Variants in CPSF3 observed in about 807,000 individuals in gnomAD.
The protein encoded by CPSF3 is cleavage and polyadenylation specificity factor subunit 3.
A neutral mutation model predicts 84.1 loss-of-function variants in CPSF3; 57 were observed. The ratio of observed to expected loss-of-function variants is 0.68; its 90% CI spans 0.55 to 0.85. CPSF3 has a LOEUF of 0.85. Ranked by LOEUF, CPSF3 falls within the 40% of genes least tolerant of loss-of-function variation. The pLI is 0.00. For synonymous variants in CPSF3, 275 were observed against 278.1 expected (o/e 0.99, Z 0.11); for missense variants, 522 against 838.8 (o/e 0.62, Z 4.66).
At chr2:9,466,320 GCACACAGACGCA>G (rs1558466378) in intron 15 of CPSF3, among the ~76,000 whole-genome samples, 15 of 72,530 alleles carry the variant, frequency 2.1e-4, no homozygotes, top group Non-Finnish European at 4.0e-4. Flanking sequence ...ACTGACGCAC[GCACACAGACGCA>G]CGCACACACG....
chr2:9,467,451 C>T (rs868429227), intron 15 of CPSF3, among the ~76,000 whole-genome samples: 2 of 151,898 alleles, frequency 1.3e-5, no homozygotes, highest in Admixed American at 6.6e-5. Flanking sequence ...TTAATAAGAA[C>T]ATGAAATATT....
intron 7 of CPSF3, among the ~76,000 whole-genome samples, chr2:9,439,167 C>G (rs1680882430): frequency 6.6e-6 from 1 of 152,116 alleles, no homozygotes; most frequent in African/African-American, 2.4e-5. Flanking sequence ...ATCATTGATA[C>G]ATCAAATGGA....
intron 6 of CPSF3, among the ~76,000 whole-genome samples, chr2:9,435,691 A>G (rs1680753221): frequency 6.6e-6 from 1 of 151,796 alleles, no homozygotes; most frequent in Admixed American, 6.6e-5. Flanking sequence ...TGCTGGGATT[A>G]CAGGCATGAG....
Position 9,432,694 on chromosome 2 carries a change from C to A in CPSF3, c.519+6C>A. 1 of 1,496,096 alleles carries A rather than the reference C, an allele frequency of 6.7e-7. No individual in the cohort carries two copies. The highest frequency in any genetic ancestry group is 2.3e-5 in the East Asian group (1 of 43,450). The allele number at this position is 1,496,096 out of a possible 1,614,324, so 92.7% of individuals were successfully genotyped here. A position where few individuals can be genotyped will look rare whatever the true frequency, so the allele number is the denominator to read the frequency against. On this transcript the variant is annotated splice_donor_region_variant and intron_variant, in intron 5 of 17. Coordinates refer to ENST00000238112, the MANE Select transcript of CPSF3 (RefSeq NM_016207.4). Reference sequence around the variant, plus strand: ...TTGAGATCGCAGGCGTGAAGGTACCCTCTGGCTGTGGCGCTTTTCTCCCCA... The same window carrying A: ...TTGAGATCGCAGGCGTGAAGGTACCATCTGGCTGTGGCGCTTTTCTCCCCA...
At chr2:9,472,846 G>C in intron 17 of CPSF3, 70 bp from the exon 18 acceptor site, 1 of 1,045,682 alleles carries the variant, frequency 9.6e-7, no homozygotes, top group East Asian at 2.6e-5. Context: ...TTTTTAAAGA[G>C]TATTCATTTA....
At chr2:9,448,642 C>T (rs540129986) in intron 11 of CPSF3, among the ~76,000 whole-genome samples, 10 of 152,122 alleles carry the variant, frequency 6.6e-5, no homozygotes, top group Non-Finnish European at 8.8e-5. Context: ...CTGCAACCTC[C>T]GCCTCCTGGG....
chr2:9,471,089 C>T (rs60738947), intron 16 of CPSF3, among the ~76,000 whole-genome samples: 10,294 of 152,154 alleles, frequency 0.068, 1,190 homozygotes, highest in African/African-American at 0.23. Flanking sequence ...TGGTGCACAC[C>T]TGTAATCCCA....
intron 11 of CPSF3, among the ~76,000 whole-genome samples, chr2:9,449,387 A>C (rs116097332): frequency 6.6e-6 from 1 of 151,956 alleles, no homozygotes; most frequent in Non-Finnish European, 1.5e-5. Context: ...GATCGCGCCA[A>C]TGCACTCCAG....
intron 4 of CPSF3, among the ~76,000 whole-genome samples, chr2:9,432,112 C>A (rs1394564528): frequency 6.6e-6 from 1 of 152,144 alleles, no homozygotes; most frequent in African/African-American, 2.4e-5. Context: ...GTAGAAAAAT[C>A]TTTTCTCATC....
intron 8 of CPSF3, 190 bp from the exon 9 acceptor site, chr2:9,441,628 G>T: frequency 1.7e-6 from 1 of 594,822 alleles, no homozygotes; most frequent in Non-Finnish European, 2.9e-6. Context: ...TTATTACTTG[G>T]TTTTTCTACC....
At chr2:9,460,393 C>T (rs1681693254) in intron 15 of CPSF3, among the ~76,000 whole-genome samples, 1 of 152,194 alleles carries the variant, frequency 6.6e-6, no homozygotes, top group South Asian at 2.1e-4. Flanking sequence ...CACGCCACTG[C>T]ACTCCAGCCT....
intron 4 of CPSF3, among the ~76,000 whole-genome samples, chr2:9,432,135 A>C (rs1396625625): frequency 6.6e-6 from 1 of 152,230 alleles, no homozygotes; most frequent in Non-Finnish European, 1.5e-5. Flanking sequence ...AATGTGAGAA[A>C]TATCTGCCAT....
At chr2:9,466,388 A>G (rs13015380) in intron 15 of CPSF3, among the ~76,000 whole-genome samples, 124 of 78,240 alleles carry the variant, frequency 1.6e-3, no homozygotes, top group Non-Finnish European at 2.9e-3. Flanking sequence ...ACTCGCACAC[A>G]CGCGCACACA....
rs1050523392 is a variant in CPSF3, at chr2:9,423,689, T to A, written c.-85T>A. 5 of 1,543,668 alleles carry A rather than the reference T, an allele frequency of 3.2e-6. No individual in the cohort carries two copies. The African/African-American group carries it at 6.9e-5, about 21-fold the overall frequency. On this transcript the variant is annotated 5_prime_UTR_variant, in exon 1 of 18. Coordinates refer to ENST00000238112, the MANE Select transcript of CPSF3 (RefSeq NM_016207.4). ...CTCTTGGTGAATGGGGTTCTTCCTT[T>A]TTTATTTACCGGTGGCTGTGCTTCC...
intron 3 of CPSF3, among the ~76,000 whole-genome samples, chr2:9,430,423 CAGGGAGAT>C (rs202207206): frequency 0.018 from 2,782 of 152,284 alleles, 82 homozygotes; most frequent in African/African-American, 0.064. Context: ...ACAGTGACCT[CAGGGAGAT>C]ATCCATGTTT....
At chr2:9,466,312 TGACGCAC>T (rs1681944106) in intron 15 of CPSF3, among the ~76,000 whole-genome samples, 2 of 52,142 alleles carry the variant, frequency 3.8e-5, no homozygotes, top group African/African-American at 1.2e-4. Flanking sequence ...ACACGCACAC[TGACGCAC>T]GCACACAGAC....
chr2:9,471,440 G>T lies in CPSF3; in HGVS notation c.1953+1G>T. ...TGCCAACCTTAACTTGGAGACACGG[G>T]TATGTAGCTGCTCTTTCCTACGTTT... On this transcript the variant is annotated splice_donor_variant, in intron 17 of 17. Coordinates refer to ENST00000238112, the MANE Select transcript of CPSF3 (RefSeq NM_016207.4). LOFTEE classifies it high-confidence loss of function. 6.4e-7 allele frequency: 1 copy of T among 1,554,894 alleles called. No individual in the cohort carries two copies. Among genetic ancestry groups the T allele is most frequent in the Non-Finnish European group, 8.9e-7 (1 of 1,126,228 alleles).
At chr2:9,445,854 C>G (rs532653272) in intron 10 of CPSF3, among the ~76,000 whole-genome samples, 3 of 152,216 alleles carry the variant, frequency 2.0e-5, no homozygotes, top group Admixed American at 2.0e-4. Context: ...GATAAAATTG[C>G]AATACTAGTA....
chr2:9,430,660 A>T (rs2148935037), intron 3 of CPSF3, 92 bp from the exon 4 acceptor site: 3 of 1,251,102 alleles, frequency 2.4e-6, no homozygotes, highest in Middle Eastern at 4.9e-4. Context: ...TTGTTTATAT[A>T]AAACTTGTTT....
Sources: allele counts gnomAD v4.1 joint callset (sites outside exome capture counted in the v4.1 genomes callset), GRCh38; gene constraint gnomAD v4.1.1; transcripts MANE v1.5; gene names NCBI Gene and HGNC (gene_info 2026-07-23, HGNC 2026-07-21).